TXNRD3: variants seen among roughly 807,000 people sequenced by gnomAD.
TXNRD3 encodes the protein TXNRD3 neighbor gene protein.
Under a neutral mutation model 78.2 loss-of-function variants are expected in TXNRD3, and 68 were observed. The ratio of observed to expected loss-of-function variants is 0.87; its 90% CI spans 0.72 to 1.06. TXNRD3 has a LOEUF of 1.06. Among genes scored for constraint, TXNRD3 ranks in the 50% least tolerant of loss-of-function variants. The probability of loss-of-function intolerance (pLI) is 0.00; values close to 1 mark genes in which losing one functional copy is unlikely to be tolerated. For synonymous variants in TXNRD3, 296 were observed against 300.1 expected (o/e 0.99, Z 0.14); for missense variants, 751 against 809.5 (o/e 0.93, Z 0.88).
chr3:126,623,112 A>G (rs1272448178), intron 10 of TXNRD3, among the ~76,000 whole-genome samples: 3 of 152,178 alleles, frequency 2.0e-5, no homozygotes, highest in African/African-American at 7.2e-5. Context: ...TGAGAAAATA[A>G]ATGTTGTTTA....
At chr3:126,650,382 C>A (rs1458173236) in intron 1 of TXNRD3, among the ~76,000 whole-genome samples, 1 of 131,848 alleles carries the variant, frequency 7.6e-6, no homozygotes, top group African/African-American at 2.7e-5. Context: ...GTGGCTCACA[C>A]CTGTAATCCC....
intron 9 of TXNRD3, 53 bp downstream of exon 9, chr3:126,630,659 G>T: frequency 6.9e-7 from 1 of 1,440,204 alleles, no homozygotes; most frequent in South Asian, 1.2e-5. Context: ...GAAGTAAGGT[G>T]AGATAAAGTG....
At chr3:126,622,749 T>C (rs1046152914) in intron 10 of TXNRD3, among the ~76,000 whole-genome samples, 2 of 152,226 alleles carry the variant, frequency 1.3e-5, no homozygotes, top group South Asian at 2.1e-4. Context: ...ACAGGCTAAA[T>C]TATGTCCCTT....
intron 14 of TXNRD3, among the ~76,000 whole-genome samples, chr3:126,610,641 C>A (rs72971178): frequency 0.073 from 11,132 of 152,200 alleles, 471 homozygotes; most frequent in East Asian, 0.2. Flanking sequence ...AAAATTTTCA[C>A]AGATCTTCTA....
intron 6 of TXNRD3, among the ~76,000 whole-genome samples, chr3:126,635,828 T>G (rs1013400772): frequency 6.6e-5 from 10 of 152,344 alleles, no homozygotes; most frequent in Admixed American, 2.0e-4. Context: ...CATGTGAGTA[T>G]GTGTATATAT....
In TXNRD3 at chr3:126,623,937, GAAGCTAC is replaced by G. The variant is rs541785505; in HGVS notation, c.1291-1404_1291-1398del. 4.2e-4 allele frequency among the ~76,000 whole-genome samples: 62 copies of G among 146,948 alleles called. No homozygotes were observed. The South Asian group carries it at 0.014, about 32-fold the overall frequency. ...TTTTATTTGTAGATATGAATCCTAA[GAAGCTAC>G]AAGGTCAATATAAAAAAAACTGTAT... On this transcript the variant is annotated intron_variant, in intron 10 of 15. Transcript: ENST00000524230.
chr3:126,642,965 G>A (rs1445576418), intron 5 of TXNRD3, among the ~76,000 whole-genome samples: 1 of 152,140 alleles, frequency 6.6e-6, no homozygotes, highest in Admixed American at 6.5e-5. Flanking sequence ...TAAGCAGGAA[G>A]AGCAAAAAGG....
intron 7 of TXNRD3, among the ~76,000 whole-genome samples, chr3:126,632,214 T>G (rs569569344): frequency 6.6e-6 from 1 of 152,122 alleles, no homozygotes; most frequent in East Asian, 1.9e-4. Flanking sequence ...CAAAAGCACA[T>G]GAGCCCAGGA....
At chr3:126,608,356 G>T in intron 15 of TXNRD3, 143 bp downstream of exon 15, 1 of 1,016,392 alleles carries the variant, frequency 9.8e-7, no homozygotes, top group Non-Finnish European at 1.3e-6. Context: ...GTGAGACCCT[G>T]TCTGAAAAAA....
intron 2 of TXNRD3, 91 bp from the exon 3 acceptor site, chr3:126,646,311 C>T (rs1933232906): frequency 3.0e-6 from 3 of 986,250 alleles, no homozygotes; most frequent in African/African-American, 1.7e-5. Context: ...CAAATGTTCA[C>T]ATGTACATAC....
intron 6 of TXNRD3, among the ~76,000 whole-genome samples, chr3:126,634,329 C>T (rs146829298): frequency 3.3e-5 from 5 of 152,216 alleles, no homozygotes; most frequent in Admixed American, 2.0e-4. Context: ...ACGCCTGCCA[C>T]GACGTAAGGC....
chr3:126,642,551 T>C (rs1933120879), intron 5 of TXNRD3, among the ~76,000 whole-genome samples: 1 of 152,218 alleles, frequency 6.6e-6, no homozygotes, highest in African/African-American at 2.4e-5. Flanking sequence ...TCACATTTAC[T>C]CTGAGTCCTG....
At chr3:126,624,418 G>A (rs1197272641) in intron 10 of TXNRD3, among the ~76,000 whole-genome samples, 2 of 151,752 alleles carry the variant, frequency 1.3e-5, no homozygotes, top group African/African-American at 4.8e-5. Context: ...CAGTTAAATG[G>A]TCTTTCTTTT....
At chr3:126,613,860 C>T (rs1025049918) in intron 13 of TXNRD3, among the ~76,000 whole-genome samples, 4 of 152,194 alleles carry the variant, frequency 2.6e-5, no homozygotes, top group African/African-American at 9.7e-5. Flanking sequence ...ATACATTCTA[C>T]TATTATTTTA....
chr3:126,647,750 G>A lies in TXNRD3; in HGVS notation c.244-454C>T, dbSNP rs115563617. Among the ~76,000 whole-genome samples the A allele has an allele frequency of 3.1e-3, 479 of 152,168 alleles. 2 individuals are homozygous for A. The highest frequency in any genetic ancestry group is 5.4e-3 in the Non-Finnish European group (366 of 68,006). On this transcript the variant is annotated intron_variant, in intron 1 of 15. Coordinates refer to ENST00000524230, the MANE Select transcript of TXNRD3 (RefSeq NM_052883.3). ...CTCAGGAGGCTGAGGTGGGAGGATCGCTGAAGCCCAGAAGTTTGAAGCTGC... is the reference window on the plus strand; with the variant it reads ...CTCAGGAGGCTGAGGTGGGAGGATCACTGAAGCCCAGAAGTTTGAAGCTGC...
chr3:126,615,988 G>C (rs1262109469), intron 12 of TXNRD3, among the ~76,000 whole-genome samples: 4 of 152,184 alleles, frequency 2.6e-5, no homozygotes, highest in Non-Finnish European at 4.4e-5. Context: ...ACATGTGTGA[G>C]TGTGTCTGGA....
chr3:126,648,589 T>A (rs1933296106), intron 1 of TXNRD3, among the ~76,000 whole-genome samples: 1 of 152,160 alleles, frequency 6.6e-6, no homozygotes, highest in Non-Finnish European at 1.5e-5. Context: ...GACCATTCAA[T>A]GGGGAAAGGA....
intron 8 of TXNRD3, 118 bp from the exon 9 acceptor site, chr3:126,631,055 C>T (rs185797783): frequency 9.7e-7 from 1 of 1,028,340 alleles, no homozygotes; most frequent in Non-Finnish European, 1.4e-6. Context: ...TTGAATGAAG[C>T]AACAGCCTTT....
intron 2 of TXNRD3, 80 bp from the exon 3 acceptor site, chr3:126,646,300 T>A (rs1933232548): frequency 2.6e-6 from 3 of 1,154,214 alleles, no homozygotes; most frequent in Non-Finnish European, 2.4e-6. Flanking sequence ...GTTACAACAC[T>A]CAAATGTTCA....
Sources: allele counts gnomAD v4.1 joint callset (sites outside exome capture counted in the v4.1 genomes callset), GRCh38; gene constraint gnomAD v4.1.1; transcripts MANE v1.5; gene names NCBI Gene and HGNC (gene_info 2026-07-23, HGNC 2026-07-21).